Variants in PHLPP1 observed in about 807,000 individuals in gnomAD.
The protein encoded by PHLPP1 is PH domain leucine-rich repeat-containing protein phosphatase 1.
Under a neutral mutation model 117.2 loss-of-function variants are expected in PHLPP1, and 42 were observed. That is an observed-to-expected ratio of 0.36 (90% CI 0.28 to 0.46). PHLPP1 has a LOEUF of 0.46. Ranked by LOEUF, PHLPP1 falls within the 20% of genes least tolerant of loss-of-function variation. The pLI is 1.00. For missense variants in PHLPP1, 2,084 were observed against 2,241.9 expected, an observed-to-expected ratio of 0.93 and a Z score of 1.42; for synonymous variants, 1,042 against 970.7, an observed-to-expected ratio of 1.07 and a Z score of -1.37.
chr18:62,938,016 AT>A (rs1241797711), intron 10 of PHLPP1, among the ~76,000 whole-genome samples: 1 of 152,194 alleles, frequency 6.6e-6, no homozygotes, highest in East Asian at 1.9e-4. Context: ...AAAAAAGAAA[AT>A]AAAAAAGAAG....
intron 1 of PHLPP1, among the ~76,000 whole-genome samples, chr18:62,795,122 G>A (rs1008561591): frequency 2.6e-5 from 4 of 152,058 alleles, no homozygotes; most frequent in African/African-American, 9.7e-5. Flanking sequence ...TGCAGTTCTC[G>A]TAGGTCTTTG....
chr18:62,933,233 G>A (rs1044557592), intron 10 of PHLPP1, among the ~76,000 whole-genome samples: 3 of 152,026 alleles, frequency 2.0e-5, no homozygotes, highest in African/African-American at 4.8e-5. Flanking sequence ...AACTACCAAT[G>A]TCATTTTTCA....
chr18:62,885,026 A>G (rs1486494591), intron 4 of PHLPP1, among the ~76,000 whole-genome samples: 2 of 152,218 alleles, frequency 1.3e-5, no homozygotes, highest in African/African-American at 2.4e-5. Context: ...CTAAATATGT[A>G]CAAGCATATA....
chr18:62,967,455 C>T (rs1910934438), intron 14 of PHLPP1, among the ~76,000 whole-genome samples: 1 of 152,136 alleles, frequency 6.6e-6, no homozygotes, highest in Non-Finnish European at 1.5e-5. Context: ...AATAATATCT[C>T]ATTGTGGTTT....
chr18:62,926,177 A>G (rs956189531), intron 10 of PHLPP1, among the ~76,000 whole-genome samples: 1 of 152,214 alleles, frequency 6.6e-6, no homozygotes, highest in African/African-American at 2.4e-5. Context: ...TTAGAATACT[A>G]TGAAGGGGAA....
chr18:62,853,551 G>T (rs1915414820), intron 3 of PHLPP1, among the ~76,000 whole-genome samples: 1 of 151,978 alleles, frequency 6.6e-6, no homozygotes, highest in South Asian at 2.1e-4. Flanking sequence ...TGTATTTTCA[G>T]TAGAGATGGA....
At chr18:62,744,887 T>G (rs1377670498) in intron 1 of PHLPP1, among the ~76,000 whole-genome samples, 1 of 152,220 alleles carries the variant, frequency 6.6e-6, no homozygotes, top group African/African-American at 2.4e-5. Flanking sequence ...TAATAATAGA[T>G]TTTTAAACAT....
chr18:62,802,703 G>A (rs745932), intron 1 of PHLPP1, among the ~76,000 whole-genome samples: 32,307 of 152,044 alleles, frequency 0.21, 5,093 homozygotes, highest in African/African-American at 0.45. Flanking sequence ...TCTACTGTGT[G>A]AAAACACCGA....
intron 12 of PHLPP1, 21 bp from the exon 13 acceptor site, chr18:62,958,608 T>G: frequency 1.2e-6 from 2 of 1,613,510 alleles, no homozygotes; most frequent in Non-Finnish European, 1.7e-6. Context: ...TCTTTCTTGT[T>G]TGCACTTGTT....
rs1261839935 is a variant in PHLPP1 at position 62,978,922 on chromosome 18, G to A, written c.4645G>A (p.Asp1549Asn). Reference sequence around the variant, plus strand: ...CTCCGACAACGGCCTTGACAGTGACGATGAGGAGCCCATCGAGGGCGTCTT... The same window carrying A: ...CTCCGACAACGGCCTTGACAGTGACAATGAGGAGCCCATCGAGGGCGTCTT... ...AFSDNGLDSD[D>N]EEPIEGVFTN... The change falls in exon 17 of 17, where the codon GAT (aspartate) becomes AAT (asparagine). Residue 1549 changes from aspartate to asparagine, a missense_variant. By Grantham distance (23) the Asp-to-Asn change is conservative. Transcript: ENST00000262719. The surrounding 1 kb of genome is among the most constrained non-coding windows in gnomAD (Gnocchi z 7.0). 3.7e-6 allele frequency: 6 copies of A among 1,608,224 alleles called. No individual in the cohort carries two copies. The highest frequency in any genetic ancestry group is 2.2e-5 in the East Asian group (1 of 44,580).
At chr18:62,849,889 C>T (rs996889289) in intron 3 of PHLPP1, among the ~76,000 whole-genome samples, 1 of 135,432 alleles carries the variant, frequency 7.4e-6, no homozygotes, top group Admixed American at 7.8e-5. Context: ...TTTTGAGTCC[C>T]CAGTATTTTT....
chr18:62,817,429 A>G (rs1269705110), intron 1 of PHLPP1, among the ~76,000 whole-genome samples: 3 of 152,250 alleles, frequency 2.0e-5, no homozygotes, highest in Non-Finnish European at 4.4e-5. Context: ...GTAGGTAAAT[A>G]CACACACATA....
intron 1 of PHLPP1, among the ~76,000 whole-genome samples, chr18:62,763,469 C>T (rs181674684): frequency 1.9e-3 from 282 of 152,250 alleles, no homozygotes; most frequent in African/African-American, 6.5e-3. Flanking sequence ...TCTAGTCTCC[C>T]GTGCAGCAAG....
At chr18:62,776,076 A>G (rs1231084642) in intron 1 of PHLPP1, among the ~76,000 whole-genome samples, 2 of 152,060 alleles carry the variant, frequency 1.3e-5, no homozygotes, top group South Asian at 2.1e-4. Context: ...AAAAAAATAT[A>G]TATATAAAGA....
chr18:62,745,095 C>T (rs1036960566), intron 1 of PHLPP1, among the ~76,000 whole-genome samples: 4 of 152,080 alleles, frequency 2.6e-5, no homozygotes, highest in African/African-American at 9.7e-5. Context: ...ATTTTAATAC[C>T]ATTGCATTTT....
chr18:62,918,302 A>G (rs892918986), intron 9 of PHLPP1, among the ~76,000 whole-genome samples: 3 of 151,698 alleles, frequency 2.0e-5, no homozygotes, highest in Admixed American at 6.6e-5. Context: ...TTTAGACAGT[A>G]CCCAAAAGAA....
chr18:62,856,344 C>T (rs1455545116), intron 3 of PHLPP1, among the ~76,000 whole-genome samples: 1 of 152,152 alleles, frequency 6.6e-6, no homozygotes, highest in African/African-American at 2.4e-5. Context: ...ACCCCATATC[C>T]CCTGCCCCCT....
At chr18:62,814,478 T>C (rs1374185213) in intron 1 of PHLPP1, among the ~76,000 whole-genome samples, 1 of 152,202 alleles carries the variant, frequency 6.6e-6, no homozygotes, top group Non-Finnish European at 1.5e-5. Flanking sequence ...AGTAATTTAA[T>C]TCATTCTTTC....
chr18:62,853,491 T>G (rs1377184928), intron 3 of PHLPP1, among the ~76,000 whole-genome samples: 1 of 152,038 alleles, frequency 6.6e-6, no homozygotes, highest in Non-Finnish European at 1.5e-5. Context: ...TACCTCAGCC[T>G]CCTGAGTAGC....
Sources: allele counts gnomAD v4.1 joint callset (sites outside exome capture counted in the v4.1 genomes callset), GRCh38; gene constraint gnomAD v4.1.1; non-coding constraint Gnocchi (gnomAD v3.1); transcripts MANE v1.5; gene names NCBI Gene and HGNC (gene_info 2026-07-23, HGNC 2026-07-21).